The following CDKAL1 variants were observed in gnomAD, a reference collection of about 807,000 sequenced individuals.
CDKAL1 encodes CDKAL1 threonylcarbamoyladenosine tRNA methylthiotransferase.
Under a neutral mutation model 68.2 loss-of-function variants are expected in CDKAL1, and 32 were observed. The observed-to-expected ratio is 0.47, with a 90% CI of 0.35 to 0.63. The LOEUF (loss-of-function observed/expected upper bound fraction) is 0.63, where lower values mean the gene tolerates loss of function less well. CDKAL1 is among the 30% of genes least tolerant of loss of function. The pLI, the probability that CDKAL1 is intolerant of heterozygous loss-of-function variation, is 0.00. For synonymous variants in CDKAL1, 234 were observed against 244.3 expected, an observed-to-expected ratio of 0.96 and a Z score of 0.39; for missense variants, 606 against 696.7, an observed-to-expected ratio of 0.87 and a Z score of 1.47.
rs1261407355 is a variant in CDKAL1 at position 20,761,180 on chromosome 6, AT to A, written c.517+2539del. 4.6e-5 allele frequency among the ~76,000 whole-genome samples: 7 copies of A among 152,360 alleles called. No individual in the cohort carries two copies. In the South Asian group the frequency reaches 1.0e-3, roughly 23 times the overall value. On this transcript the variant is annotated intron_variant, in intron 7 of 15. Coordinates refer to ENST00000274695, the MANE Select transcript of CDKAL1 (RefSeq NM_017774.3). ...AGGTGTTTGACATCGTATGTCTGTC[AT>A]TAGTGAATTACCAATTAAAGCAGCA...
chr6:21,081,746 A>ATT (rs1298903360), intron 12 of CDKAL1, among the ~76,000 whole-genome samples: 6 of 143,310 alleles, frequency 4.2e-5, no homozygotes, highest in Non-Finnish European at 7.7e-5. Flanking sequence ...TAATTTTTGT[A>ATT]TTTTTTTTTT....
intron 5 of CDKAL1, among the ~76,000 whole-genome samples, chr6:20,716,594 C>G (rs189798717): frequency 6.6e-6 from 1 of 151,610 alleles, no homozygotes; most frequent in Non-Finnish European, 1.5e-5. Flanking sequence ...TTGGTTGGGT[C>G]TGGGTTGAGT....
chr6:20,859,728 G>T (rs1759515378), intron 9 of CDKAL1, among the ~76,000 whole-genome samples: 1 of 152,188 alleles, frequency 6.6e-6, no homozygotes, highest in South Asian at 2.1e-4. Flanking sequence ...CTTGAGTAGG[G>T]CCAGAAGTGT....
At chr6:20,805,794 G>A (rs1776547927) in intron 8 of CDKAL1, among the ~76,000 whole-genome samples, 2 of 152,184 alleles carry the variant, frequency 1.3e-5, no homozygotes, top group South Asian at 4.1e-4. Flanking sequence ...CCCAAGCAAG[G>A]AGATCCATTT....
intron 9 of CDKAL1, among the ~76,000 whole-genome samples, chr6:20,920,684 T>C (rs1293375532): frequency 6.6e-6 from 1 of 152,250 alleles, no homozygotes; most frequent in African/African-American, 2.4e-5. Flanking sequence ...ATAATAATGC[T>C]AATTTTCTAA....
chr6:20,999,547 T>C (rs542191955), intron 10 of CDKAL1, among the ~76,000 whole-genome samples: 27 of 152,042 alleles, frequency 1.8e-4, no homozygotes, highest in African/African-American at 6.0e-4. Flanking sequence ...CTTTCTCTTC[T>C]TTTTATGCAT....
At chr6:20,837,383 A>G (rs917156564) in intron 8 of CDKAL1, among the ~76,000 whole-genome samples, 2 of 152,064 alleles carry the variant, frequency 1.3e-5, no homozygotes, top group Non-Finnish European at 2.9e-5. Flanking sequence ...GTTACATGTT[A>G]TAGAATTAGC....
At chr6:21,095,891 G>A (rs575105731) in intron 12 of CDKAL1, among the ~76,000 whole-genome samples, 1 of 152,266 alleles carries the variant, frequency 6.6e-6, no homozygotes, top group Admixed American at 6.5e-5. Context: ...TTTTGACATA[G>A]TACTTGAGGA....
At chr6:21,111,500 T>C (rs535641693) in intron 13 of CDKAL1, among the ~76,000 whole-genome samples, 1 of 152,292 alleles carries the variant, frequency 6.6e-6, no homozygotes, top group African/African-American at 2.4e-5. Flanking sequence ...CCAAGATTGC[T>C]CCTGCCTGAC....
At chr6:20,780,352 T>TA (rs540515082) in intron 7 of CDKAL1, among the ~76,000 whole-genome samples, 1 of 152,046 alleles carries the variant, frequency 6.6e-6, no homozygotes, top group Admixed American at 6.6e-5. Flanking sequence ...TTTGTTTGTT[T>TA]AAAAAAAATC....
intron 11 of CDKAL1, among the ~76,000 whole-genome samples, chr6:21,062,639 A>G (rs762139733): frequency 6.6e-6 from 1 of 152,206 alleles, no homozygotes; most frequent in South Asian, 2.1e-4. Flanking sequence ...CTTACTAACT[A>G]AAGTTCAGCC....
chr6:20,821,936 G>T (rs1777297843), intron 8 of CDKAL1, among the ~76,000 whole-genome samples: 1 of 152,148 alleles, frequency 6.6e-6, no homozygotes, highest in South Asian at 2.1e-4. Context: ...AGAAAGTATA[G>T]ATTAGAGGTC....
intron 13 of CDKAL1, among the ~76,000 whole-genome samples, chr6:21,188,863 C>T (rs895033524): frequency 3.9e-5 from 6 of 151,908 alleles, no homozygotes; most frequent in Admixed American, 1.3e-4. Flanking sequence ...CCTTTGAATG[C>T]TCTAGAATAC....
chr6:20,689,149 A>G (rs1046830421), intron 5 of CDKAL1, among the ~76,000 whole-genome samples: 3 of 152,168 alleles, frequency 2.0e-5, no homozygotes, highest in Admixed American at 6.5e-5. Flanking sequence ...GAGTTTCCAT[A>G]TAGTTTCTTT....
At chr6:20,557,158 A>G (rs1764089454) in intron 4 of CDKAL1, among the ~76,000 whole-genome samples, 1 of 151,990 alleles carries the variant, frequency 6.6e-6, no homozygotes. Flanking sequence ...TATATGTGTA[A>G]GTAATAAGTA....
intron 8 of CDKAL1, among the ~76,000 whole-genome samples, chr6:20,839,806 A>G (rs898880757): frequency 1.3e-5 from 2 of 152,166 alleles, no homozygotes; most frequent in African/African-American, 2.4e-5. Context: ...CTTTCTGCCT[A>G]GCACTCCTCC....
At chr6:20,878,894 C>T (rs1760674137) in intron 9 of CDKAL1, among the ~76,000 whole-genome samples, 1 of 151,776 alleles carries the variant, frequency 6.6e-6, no homozygotes. Flanking sequence ...GCCTGGCCAA[C>T]ATGGTGAAAC....
At chr6:20,607,134 T>A (rs1766366904) in intron 4 of CDKAL1, among the ~76,000 whole-genome samples, 1 of 152,204 alleles carries the variant, frequency 6.6e-6, no homozygotes, top group Admixed American at 6.5e-5. Flanking sequence ...GAGATTTCTT[T>A]CCTTGAGTAA....
chr6:20,649,119 T>A (rs1265859054), intron 4 of CDKAL1, among the ~76,000 whole-genome samples, 174 bp from the exon 5 acceptor site: 14 of 152,238 alleles, frequency 9.2e-5, no homozygotes. Context: ...CATTTTTATA[T>A]TTATTGTTCA....
Sources: allele counts gnomAD v4.1 joint callset (sites outside exome capture counted in the v4.1 genomes callset), GRCh38; gene constraint gnomAD v4.1.1; transcripts MANE v1.5; gene names NCBI Gene and HGNC (gene_info 2026-07-23, HGNC 2026-07-21).